Variants in SEC24B observed in about 807,000 individuals in gnomAD.
SEC24B encodes the protein SEC24 homolog B, COPII component.
Under a neutral mutation model 142.8 loss-of-function variants are expected in SEC24B, and 45 were observed. The observed-to-expected ratio is 0.32, with a 90% CI of 0.25 to 0.40. The LOEUF is 0.40. Ranked by LOEUF, SEC24B falls within the 10% of genes least tolerant of loss-of-function variation. The probability of loss-of-function intolerance (pLI) is 1.00; values close to 1 mark genes in which losing one functional copy is unlikely to be tolerated. For synonymous variants in SEC24B, 574 were observed against 568.2 expected (o/e 1.01, Z -0.15); for missense variants, 1,409 against 1,526.8 (o/e 0.92, Z 1.29).
intron 11 of SEC24B, among the ~76,000 whole-genome samples, chr4:109,518,414 G>A (rs1292414469): frequency 1.3e-5 from 2 of 152,176 alleles, no homozygotes; most frequent in South Asian, 2.1e-4. Context: ...AACATCTGTC[G>A]AGGTGTGGGG....
At chr4:109,507,695 G>A (rs535056003) in intron 7 of SEC24B, among the ~76,000 whole-genome samples, 9 of 151,774 alleles carry the variant, frequency 5.9e-5, no homozygotes, top group African/African-American at 9.7e-5. Flanking sequence ...GCCCAGGCTG[G>A]AGTGCAATAA....
chr4:109,503,579 C>T (rs13133491), intron 6 of SEC24B, among the ~76,000 whole-genome samples: 6 of 152,014 alleles, frequency 3.9e-5, no homozygotes, highest in African/African-American at 1.4e-4. Context: ...AAACTGGCCT[C>T]GAACTCCTGA....
rs57883927 is a variant in SEC24B at position 109,453,440 on chromosome 4, GCCCCCCCC to G, written c.134-9449_134-9442del. Among the ~76,000 whole-genome samples, 13 of 41,114 alleles carry G rather than the reference GCCCCCCCC, an allele frequency of 3.2e-4. 1 individual carries two copies. Among genetic ancestry groups the G allele is most frequent in the African/African-American group, 9.6e-4 (12 of 12,554 alleles). 27.0% of individuals were successfully genotyped at this position (41,114 alleles called of 152,430 possible). ...GACATTCCTAGGGTGGCCATTTTAG[GCCCCCCCC>G]CCCCCCCCCCCGAATGGCTGTTAAT... On this transcript the variant is annotated intron_variant, in intron 1 of 23. Transcript: ENST00000265175.
At chr4:109,498,675 G>A (rs17040488) in intron 6 of SEC24B, among the ~76,000 whole-genome samples, 26,581 of 152,098 alleles carry the variant, frequency 0.17, 2,624 homozygotes, top group African/African-American at 0.27. Context: ...ATTTATTTTT[G>A]AAGTTCCAGG....
chr4:109,533,938 G>T (rs1282980963), intron 22 of SEC24B, among the ~76,000 whole-genome samples: 1 of 151,874 alleles, frequency 6.6e-6, no homozygotes, highest in Non-Finnish European at 1.5e-5. Flanking sequence ...GGATTTGCCT[G>T]TTCTGGATAT....
At chr4:109,488,742 A>G (rs1734660744) in intron 4 of SEC24B, 1 of 167,600 alleles carries the variant, frequency 6.0e-6, no homozygotes, top group South Asian at 2.1e-4. Context: ...TTTGGTAATA[A>G]GGTTTGGCAA....
chr4:109,517,213 A>G (rs938610751), intron 11 of SEC24B, among the ~76,000 whole-genome samples: 1 of 152,250 alleles, frequency 6.6e-6, no homozygotes, highest in East Asian at 1.9e-4. Context: ...GAGTCAGGAT[A>G]CATAATCAGA....
chr4:109,487,981 G>A (rs1734560541), intron 4 of SEC24B, among the ~76,000 whole-genome samples: 1 of 151,814 alleles, frequency 6.6e-6, no homozygotes, highest in Non-Finnish European at 1.5e-5. Flanking sequence ...TATGTTCTTT[G>A]GAATAAGTTC....
chr4:109,492,498 C>T (rs1735119610), intron 5 of SEC24B, among the ~76,000 whole-genome samples: 1 of 152,182 alleles, frequency 6.6e-6, no homozygotes, highest in African/African-American at 2.4e-5. Context: ...GCCCTGCAGT[C>T]AGACTTTGGT....
At chr4:109,470,069 G>A (rs545929234) in intron 2 of SEC24B, among the ~76,000 whole-genome samples, 37 of 152,290 alleles carry the variant, frequency 2.4e-4, no homozygotes, top group Middle Eastern at 6.8e-3. Flanking sequence ...CCTACTAACA[G>A]ATGGGTAAAA....
chr4:109,454,893 G>A (rs1294235807), intron 1 of SEC24B, among the ~76,000 whole-genome samples: 1 of 152,250 alleles, frequency 6.6e-6, no homozygotes, highest in Non-Finnish European at 1.5e-5. Flanking sequence ...AAGAAAGAAT[G>A]TGTGCTCAGG....
rs1578987574 is a variant in SEC24B at position 109,526,155 on chromosome 4, A to G, written c.2792-71A>G. The G allele has an allele frequency of 3.5e-6, 5 of 1,443,142 alleles. No homozygotes were observed. The East Asian group carries it at 1.1e-4, about 33-fold the overall frequency. The allele number at this position is 1,443,142 out of a possible 1,614,324, so 89.4% of individuals were successfully genotyped here. ...TCAAAATCATAAACATCTTTGACTT[A>G]AAAAAGTAACTTTAGCTTGAGGTGA... On this transcript the variant is annotated intron_variant, in intron 16 of 23. Coordinates refer to ENST00000265175, the MANE Select transcript of SEC24B (RefSeq NM_006323.5).
chr4:109,495,489 C>G (rs1735447801), intron 6 of SEC24B, among the ~76,000 whole-genome samples: 2 of 152,160 alleles, frequency 1.3e-5, no homozygotes, highest in South Asian at 4.1e-4. Context: ...GAAGGAGAAA[C>G]AGCTTTCTCC....
At position 109,530,426 on chromosome 4, in the gene SEC24B, A is replaced by G; in HGVS notation, c.3214A>G (p.Lys1072Glu). The G allele has an allele frequency of 1.2e-6, 2 of 1,613,990 alleles. No homozygotes were observed. Among genetic ancestry groups the G allele is most frequent in the Non-Finnish European group, 1.7e-6 (2 of 1,179,962 alleles). ...HSALMAPSSL[K>E]LFPLYVLALL... ...TGCATTGATGGCGCCCAGCTCCCTC[A>G]AGTTGTTTCCTCTCTATGTTTTGGC... Residue 1072 changes from lysine to glutamate, a missense_variant, in exon 19 of 24, where the codon AAG becomes GAG. By Grantham distance (56) the Lys-to-Glu change is moderately conservative. Coordinates refer to ENST00000265175, the MANE Select transcript of SEC24B (RefSeq NM_006323.5).
Position 109,436,201 on chromosome 4 carries a change from C to T in SEC24B, c.133+2199C>T, listed in dbSNP as rs564205516. 2.6e-5 allele frequency among the ~76,000 whole-genome samples: 4 copies of T among 152,092 alleles called. No individual in the cohort carries two copies. In the East Asian group the frequency reaches 5.8e-4, roughly 22 times the overall value. On this transcript the variant is annotated intron_variant, in intron 1 of 23. Coordinates refer to ENST00000265175, the MANE Select transcript of SEC24B (RefSeq NM_006323.5). ...CAGGTGATCCTCACACCTTATCCTC[C>T]AGAAGGATTTTTGTTTTTGTGGAAG... is the stretch of plus-strand genomic sequence containing the variant.
chr4:109,438,967 A>G (rs1728663084), intron 1 of SEC24B, among the ~76,000 whole-genome samples: 1 of 152,236 alleles, frequency 6.6e-6, no homozygotes, highest in Non-Finnish European at 1.5e-5. Context: ...AAGACTGACT[A>G]AAGTAATAGC....
chr4:109,449,783 C>T (rs1244588983), intron 1 of SEC24B, among the ~76,000 whole-genome samples: 1 of 152,114 alleles, frequency 6.6e-6, no homozygotes, highest in Non-Finnish European at 1.5e-5. Context: ...CACATTGGGC[C>T]TCAGCATAGT....
At chr4:109,446,434 C>T (rs1354432751) in intron 1 of SEC24B, among the ~76,000 whole-genome samples, 2 of 152,196 alleles carry the variant, frequency 1.3e-5, no homozygotes, top group African/African-American at 4.8e-5. Context: ...TCCCTTGACA[C>T]TTTGTAGCCC....
intron 1 of SEC24B, among the ~76,000 whole-genome samples, chr4:109,441,247 C>T (rs1728901399): frequency 6.6e-6 from 1 of 152,132 alleles, no homozygotes; most frequent in Admixed American, 6.6e-5. Context: ...CCAGCAATGC[C>T]TGGCTTCTTT....
Sources: gnomAD v4.1 joint callset for allele counts (sites outside exome capture counted in the v4.1 genomes callset) on GRCh38, gnomAD v4.1.1 for gene constraint, MANE v1.5 for transcripts, NCBI Gene and HGNC (gene_info 2026-07-23, HGNC 2026-07-21) for gene names.